FCHSD1: variants seen among roughly 807,000 people sequenced by gnomAD.
The protein encoded by FCHSD1 is FCH and double SH3 domains 1, also known as F-BAR and double SH3 domains protein 1.
FCHSD1 carries 109 observed loss-of-function variants against 101.3 expected under a neutral mutation model. The ratio of observed to expected loss-of-function variants is 1.08; its 90% CI spans 0.92 to 1.26. FCHSD1 has a LOEUF of 1.26. FCHSD1 is among the 50% of genes most tolerant of loss of function. The pLI is 0.00. For missense variants in FCHSD1, 820 were observed against 895.8 expected (o/e 0.92, Z 1.08); for synonymous variants, 291 against 356.8 (o/e 0.82, Z 2.08).
At position 141,639,462 on chromosome 5, in the gene FCHSD1, A is replaced by C; in HGVS notation, c.*2036T>G. ...CTCACTCCCCTCCTCCCTGCTGTCC[A>C]GTGTGGATGCCACCTCCAGCCTGCA... is the stretch of plus-strand genomic sequence containing the variant. On this transcript the variant is annotated 3_prime_UTR_variant, in exon 20 of 20. Coordinates refer to ENST00000435817, the MANE Select transcript of FCHSD1 (RefSeq NM_033449.3). This position sits in a 1 kb window ranked among gnomAD's most constrained non-coding sequence, Gnocchi z 4.4. 1.2e-6 allele frequency: 2 copies of C among 1,608,402 alleles called. No individual in the cohort carries two copies. The highest frequency in any genetic ancestry group is 1.7e-6 in the Non-Finnish European group (2 of 1,176,242).
Position 141,643,075 on chromosome 5 carries a change from G to C in FCHSD1, c.1877C>G (p.Pro626Arg). The C allele has an allele frequency of 6.7e-7, 1 of 1,498,384 alleles. No homozygotes were observed. The highest frequency in any genetic ancestry group is 8.9e-7 in the Non-Finnish European group (1 of 1,124,932). The allele number at this position is 1,498,384 out of a possible 1,614,324, so 92.8% of individuals were successfully genotyped here. The change falls in exon 18 of 20, where the codon CCT (proline) becomes CGT (arginine). Residue 626 changes from proline to arginine, a missense_variant. Transcript: ENST00000435817. ...AGGTGGGGAGAAGCTGGGAGGAGAA[G>C]GGGACGGCAGCATCTGGAGGTGGGG... ...LSDPEQMLPS[P>R]SPPSFSPPAP...
chr5:141,650,035 C>G, intron 3 of FCHSD1, 81 bp from the exon 4 acceptor site: 1 of 1,388,194 alleles, frequency 7.2e-7, no homozygotes, highest in Admixed American at 2.7e-5. Context: ...AGAGTATAAT[C>G]ATACCATTCT....
Position 141,649,660 on chromosome 5 carries a change from G to A in FCHSD1, c.234-124C>T. The A allele has an allele frequency of 2.2e-6, 3 of 1,368,088 alleles. No homozygotes were observed. The highest frequency in any genetic ancestry group is 2.9e-5 in the South Asian group (2 of 70,106). The allele number at this position is 1,368,088 out of a possible 1,614,324, so 84.7% of individuals were successfully genotyped here. On this transcript the variant is annotated intron_variant, in intron 4 of 19. Coordinates refer to ENST00000435817, the MANE Select transcript of FCHSD1 (RefSeq NM_033449.3). This position sits in a 1 kb window ranked among gnomAD's most constrained non-coding sequence, Gnocchi z 4.1. Reference sequence around the variant, plus strand: ...TGCTTTCCCATCCTCCCTTGTCTGGGAGCCCATCAATCGATCAGCCCATTA... The same window carrying A: ...TGCTTTCCCATCCTCCCTTGTCTGGAAGCCCATCAATCGATCAGCCCATTA...
chr5:141,644,552 C>T, intron 16 of FCHSD1, 21 bp downstream of exon 16: 1 of 1,612,852 alleles, frequency 6.2e-7, no homozygotes, highest in Non-Finnish European at 8.5e-7. Flanking sequence ...GGTCCTCTAA[C>T]CCAAAATTTC....
In FCHSD1 at chr5:141,645,844, T is replaced by A; in HGVS notation, c.1238A>T (p.Gln413Leu). ...VERWLKPAMT[Q>L]AQDEVEQERR... ...CTCCTGCTCCACCTCATCCTGGGCC[T>A]GGGTCATGGCTGGCTTCAGCCAGCG... Residue 413 changes from glutamine (Q) to leucine (L), a missense_variant, in exon 13 of 20, where the codon CAG (glutamine) becomes CTG (leucine). Gln to Leu is a moderately radical substitution (Grantham distance 113). Coordinates refer to ENST00000435817, the MANE Select transcript of FCHSD1 (RefSeq NM_033449.3). 1 of 1,606,606 alleles carries A rather than the reference T, an allele frequency of 6.2e-7. No individual in the cohort carries two copies. Among genetic ancestry groups the A allele is most frequent in the Non-Finnish European group, 8.5e-7 (1 of 1,176,578 alleles).
At chr5:141,647,000 G>C in intron 10 of FCHSD1, 135 bp downstream of exon 10, 1 of 927,376 alleles carries the variant, frequency 1.1e-6, no homozygotes, top group East Asian at 2.7e-5. Flanking sequence ...TTGGGAGGGA[G>C]GTGAGCTGGA....
chr5:141,651,152 C>A, intron 1 of FCHSD1, 35 bp from the exon 2 acceptor site: 1 of 1,539,736 alleles, frequency 6.5e-7, no homozygotes, highest in African/African-American at 1.4e-5. Flanking sequence ...GACCCCAGCG[C>A]AAGGACCTAA....
At chr5:141,647,943 TA>T in intron 8 of FCHSD1, 24 bp downstream of exon 8, 1 of 1,609,956 alleles carries the variant, frequency 6.2e-7, no homozygotes. Flanking sequence ...TGCTGAGGGA[TA>T]GGGGTGTCTG....
At chr5:141,646,032 G>T in intron 12 of FCHSD1, 55 bp downstream of exon 12, 1 of 1,559,758 alleles carries the variant, frequency 6.4e-7, no homozygotes, top group East Asian at 2.3e-5. Flanking sequence ...GAGGAGTAGA[G>T]GGAGTGGGGC....
At position 141,649,592 on chromosome 5, in the gene FCHSD1, A is replaced by G. The variant is rs958350603; in HGVS notation, c.234-56T>C. 5 of 1,558,316 alleles carry G rather than the reference A, an allele frequency of 3.2e-6. No homozygotes were observed. The African/African-American group carries it at 5.5e-5, about 17-fold the overall frequency. Reference sequence around the variant, plus strand: ...GAGCACTCCACAGCTTCATGAGACCACCCCCACCCCCTGCCCCCTGACCAA... The same window carrying G: ...GAGCACTCCACAGCTTCATGAGACCGCCCCCACCCCCTGCCCCCTGACCAA... On this transcript the variant is annotated intron_variant, in intron 4 of 19. Transcript: ENST00000435817. This position sits in a 1 kb window ranked among gnomAD's most constrained non-coding sequence, Gnocchi z 4.1.
intron 18 of FCHSD1, chr5:141,642,486 C>A: frequency 3.2e-6 from 2 of 630,322 alleles, no homozygotes; most frequent in Non-Finnish European, 5.6e-6. Flanking sequence ...GACAAACAAG[C>A]ACATGTACCT....
intron 8 of FCHSD1, 115 bp from the exon 9 acceptor site, chr5:141,647,635 A>T: frequency 6.7e-7 from 1 of 1,489,122 alleles, no homozygotes; most frequent in Non-Finnish European, 9.1e-7. Flanking sequence ...AGAGAAGAAG[A>T]CATTCTTCAT....
chr5:141,648,423 G>T (rs907435897), intron 7 of FCHSD1, among the ~76,000 whole-genome samples: 8 of 151,950 alleles, frequency 5.3e-5, no homozygotes, highest in Non-Finnish European at 8.8e-5. Flanking sequence ...TCAGTTCCTC[G>T]AGCCTACAAA....
chr5:141,644,348 CG>C lies in FCHSD1; in HGVS notation c.1732del (p.Arg578GlyfsTer6). 1 of 1,613,948 alleles carries C rather than the reference CG, an allele frequency of 6.2e-7. No homozygotes were observed. Among genetic ancestry groups the C allele is most frequent in the Non-Finnish European group, 8.5e-7 (1 of 1,179,866 alleles). The stretch of plus-strand genomic sequence containing the variant: ...GCCGTCATCTACTCCATCTTGGGCC[CG>C]GGGCAGCAGACGGATGAGTGCCCCC... ...PEGALIRLLP[R>X]AQDGVDDGFW... is the part of the protein sequence containing the mutation. On this transcript the variant is annotated frameshift_variant, in exon 17 of 20. Transcript: ENST00000435817. LOFTEE classifies it high-confidence loss of function.
In FCHSD1 at chr5:141,640,248, CAA is replaced by C. The variant is rs934732291; in HGVS notation, c.*1248_*1249del. 9 of 1,613,952 alleles carry C rather than the reference CAA, an allele frequency of 5.6e-6. No individual in the cohort carries two copies. The African/African-American group carries it at 6.7e-5, about 12-fold the overall frequency. ...GGGCCCAAGCCCAGGGCTGCCCACT[CAA>C]GAGGCAAATGGGCAGCCAAGCAAAC... On this transcript the variant is annotated 3_prime_UTR_variant, in exon 20 of 20. Coordinates refer to ENST00000435817, the MANE Select transcript of FCHSD1 (RefSeq NM_033449.3).
Position 141,640,452 on chromosome 5 carries a change from C to T in FCHSD1, c.*1046G>A, listed in dbSNP as rs2099906722. ...GGAGCAGGGAGTATGTGAGGTGAGT[C>T]TGCCTGAGCCCTAAATGAGGTAATC... On this transcript the variant is annotated 3_prime_UTR_variant, in exon 20 of 20. Coordinates refer to ENST00000435817, the MANE Select transcript of FCHSD1 (RefSeq NM_033449.3). 1 of 1,614,140 alleles carries T rather than the reference C, an allele frequency of 6.2e-7. No individual in the cohort carries two copies. Among genetic ancestry groups the T allele is most frequent in the Non-Finnish European group, 8.5e-7 (1 of 1,179,998 alleles).
Position 141,644,622 on chromosome 5 carries a change from G to A in FCHSD1, c.1593C>T (p.Leu531=). 1.2e-6 allele frequency: 2 copies of A among 1,613,980 alleles called. No homozygotes were observed. The highest frequency in any genetic ancestry group is 2.2e-5 in the South Asian group (2 of 91,090). Residue 531 remains leucine (L), a synonymous_variant, in exon 16 of 20, where the codon CTC becomes CTT. Coordinates refer to ENST00000435817, the MANE Select transcript of FCHSD1 (RefSeq NM_033449.3). ...ERYLNFPDLS[L]PESSQDSDNP... ...TGTCACTGTCTTGGCTGCTCTCTGG[G>A]AGGGAGAGGTCCGGGAAGTTGAGAT...
At position 141,649,729 on chromosome 5, in the gene FCHSD1, T is replaced by G. The variant is rs2099908128; in HGVS notation, c.233+158A>C. 6.6e-6 allele frequency among the ~76,000 whole-genome samples: 1 copy of G among 152,188 alleles called. No homozygotes were observed. The highest frequency in any genetic ancestry group is 1.5e-5 in the Non-Finnish European group (1 of 68,042). ...CTCCTGCCCTCCACCCCACCCACAGTGTCCTTGCTGGGTCAGCTCCTCTGC... is the reference window on the plus strand; with the variant it reads ...CTCCTGCCCTCCACCCCACCCACAGGGTCCTTGCTGGGTCAGCTCCTCTGC... On this transcript the variant is annotated intron_variant, in intron 4 of 19. Transcript: ENST00000435817. The surrounding 1 kb of genome is among the most constrained non-coding windows in gnomAD (Gnocchi z 4.1).
At position 141,646,708 on chromosome 5, in the gene FCHSD1, C is replaced by T. The variant is rs1398837658; in HGVS notation, c.939G>A (p.Glu313=). 1 of 1,612,886 alleles carries T rather than the reference C, an allele frequency of 6.2e-7. No homozygotes were observed. The highest frequency in any genetic ancestry group is 1.3e-5 in the African/African-American group (1 of 74,914). Residue 313 remains glutamate, a synonymous_variant, in exon 11 of 20, where the codon GAG becomes GAA. Coordinates refer to ENST00000435817, the MANE Select transcript of FCHSD1 (RefSeq NM_033449.3). ...TGCCAGCCACGCCTTCTGCTCCCCA[C>T]TCCAGGACACACACCTGAATGGGTC... is the stretch of plus-strand genomic sequence containing the variant. ...PAGTDQVCVL[E]WGAEGVAGKS...
Sources: gnomAD v4.1 joint callset for allele counts (sites outside exome capture counted in the v4.1 genomes callset) on GRCh38, gnomAD v4.1.1 for gene constraint, Gnocchi (gnomAD v3.1) non-coding constraint, MANE v1.5 for transcripts, NCBI Gene and HGNC (gene_info 2026-07-23, HGNC 2026-07-21) for gene names.